The following QRSL1 variants were observed in gnomAD, a reference collection of about 807,000 sequenced individuals.
QRSL1 encodes glutamyl-tRNA(Gln) amidotransferase subunit A, mitochondrial.
In QRSL1, 54 loss-of-function variants were observed where a neutral mutation model predicts 61.6. The observed-to-expected ratio is 0.88, with a 90% CI of 0.70 to 1.10. The LOEUF (loss-of-function observed/expected upper bound fraction) is 1.10. QRSL1 is among the 50% of genes least tolerant of loss of function. The probability of loss-of-function intolerance (pLI) is 0.00; values close to 1 mark genes in which losing one functional copy is unlikely to be tolerated. For synonymous variants in QRSL1, 228 were observed against 225.7 expected (o/e 1.01, Z -0.09); for missense variants, 505 against 622.6 (o/e 0.81, Z 2.01).
intron 9 of QRSL1, among the ~76,000 whole-genome samples, chr6:106,659,480 AC>A (rs1343618891): frequency 1.2e-4 from 18 of 151,662 alleles, no homozygotes; most frequent in Admixed American, 5.3e-4. Context: ...AAAAAAAAAA[AC>A]ATATTTATAG....
At chr6:106,647,094 G>T (rs988795201) in intron 4 of QRSL1, among the ~76,000 whole-genome samples, 49 of 146,224 alleles carry the variant, frequency 3.4e-4, no homozygotes, top group Middle Eastern at 3.6e-3. Flanking sequence ...TCTGTACTTT[G>T]AAATATGCTA....
chr6:106,633,883 C>T (rs1032104516), intron 1 of QRSL1, among the ~76,000 whole-genome samples: 12 of 151,336 alleles, frequency 7.9e-5, no homozygotes, highest in African/African-American at 2.4e-4. Context: ...GCATTAAAGA[C>T]GGACAGAAGC....
intron 5 of QRSL1, 122 bp from the exon 6 acceptor site, chr6:106,652,087 C>T (rs534466967): frequency 2.1e-6 from 2 of 950,852 alleles, no homozygotes; most frequent in Admixed American, 3.0e-5. Flanking sequence ...CTGAGATGAA[C>T]ATGTGTTACT....
chr6:106,664,820 T>G (rs1417646625), intron 10 of QRSL1, among the ~76,000 whole-genome samples: 1 of 152,172 alleles, frequency 6.6e-6, no homozygotes, highest in African/African-American at 2.4e-5. Flanking sequence ...CTTTTATCAT[T>G]TTTTTAAGCA....
chr6:106,648,849 G>A (rs1777152384), intron 4 of QRSL1, among the ~76,000 whole-genome samples, 176 bp from the exon 5 acceptor site: 1 of 152,036 alleles, frequency 6.6e-6, no homozygotes, highest in South Asian at 2.1e-4. Flanking sequence ...CCCATCCTCC[G>A]CAACTGTCAA....
intron 4 of QRSL1, among the ~76,000 whole-genome samples, chr6:106,647,126 C>G (rs1282894615): frequency 6.6e-6 from 1 of 151,210 alleles, no homozygotes; most frequent in Non-Finnish European, 1.5e-5. Flanking sequence ...AAAACGCAAG[C>G]CACAGACTGA....
intron 4 of QRSL1, among the ~76,000 whole-genome samples, chr6:106,644,166 C>T (rs1000762789): frequency 1.3e-5 from 2 of 152,174 alleles, no homozygotes; most frequent in Non-Finnish European, 2.9e-5. Context: ...GCCACCACGC[C>T]CGGCCTTCTT....
In QRSL1 at chr6:106,652,307, G is replaced by A; in HGVS notation, c.656G>A (p.Gly219Asp). ...KPSYGLVSRH[G>D]LIPLVNSMDV... ...AGCTATGGCTTAGTTTCCCGTCATGGTCTCATTCCCCTGGTGAATTCGATG... is the reference window on the plus strand; with the variant it reads ...AGCTATGGCTTAGTTTCCCGTCATGATCTCATTCCCCTGGTGAATTCGATG... Residue 219 changes from glycine to aspartate, a missense_variant, in exon 6 of 11, where the codon GGT becomes GAT. Coordinates refer to ENST00000369046, the MANE Select transcript of QRSL1 (RefSeq NM_018292.5). The A allele has an allele frequency of 1.2e-6, 2 of 1,614,180 alleles. No individual in the cohort carries two copies. The highest frequency in any genetic ancestry group is 2.2e-5 in the East Asian group (1 of 44,888).
chr6:106,632,288 C>A (rs1776848007), intron 1 of QRSL1, among the ~76,000 whole-genome samples: 2 of 152,178 alleles, frequency 1.3e-5, no homozygotes, highest in Admixed American at 6.5e-5. Context: ...GCAGATATGT[C>A]TTTGCTATGT....
At chr6:106,643,703 T>G (rs1376897086) in intron 4 of QRSL1, among the ~76,000 whole-genome samples, 1 of 152,076 alleles carries the variant, frequency 6.6e-6, no homozygotes, top group Non-Finnish European at 1.5e-5. Context: ...AAAGAATTCT[T>G]TCATATATTT....
chr6:106,646,826 A>C (rs1251791532), intron 4 of QRSL1, among the ~76,000 whole-genome samples: 1 of 151,860 alleles, frequency 6.6e-6, no homozygotes, highest in Non-Finnish European at 1.5e-5. Flanking sequence ...CAGGAGATTG[A>C]GACCATCCTG....
Position 106,652,328 on chromosome 6 carries a change from C to A in QRSL1, c.677C>A (p.Ser226Ter). ...CATGGTCTCATTCCCCTGGTGAATT[C>A]GATGGATGTGCCAGGAATCTTAACC... ...SRHGLIPLVN[S>*]MDVPGILTRC... is the part of the protein sequence containing the mutation. The change falls in exon 6 of 11, where the codon TCG becomes TAG. Residue 226 changes from serine (S) to a stop codon, truncating the protein, a stop_gained. Coordinates refer to ENST00000369046, the MANE Select transcript of QRSL1 (RefSeq NM_018292.5). LOFTEE classifies it high-confidence loss of function. 1 of 1,614,112 alleles carries A rather than the reference C, an allele frequency of 6.2e-7. No homozygotes were observed. The highest frequency in any genetic ancestry group is 8.5e-7 in the Non-Finnish European group (1 of 1,180,020).
intron 4 of QRSL1, among the ~76,000 whole-genome samples, chr6:106,645,118 T>C (rs144354792): frequency 2.6e-5 from 4 of 152,326 alleles, no homozygotes; most frequent in East Asian, 1.9e-4. Context: ...TTGATTATTA[T>C]AGCTTTATAG....
In QRSL1 at chr6:106,665,982, T is replaced by C. The variant is rs1281851183; in HGVS notation, c.1567T>C (p.Ser523Pro). 1 of 1,613,864 alleles carries C rather than the reference T, an allele frequency of 6.2e-7. No individual in the cohort carries two copies. The highest frequency in any genetic ancestry group is 1.7e-5 in the Admixed American group (1 of 60,018). The stretch of plus-strand genomic sequence containing the variant: ...AGTCCTTGAAAATGAAAAGTTAGCC[T>C]CTGTCTCTCTAAAACAGTAAACATA... ...SAVLENEKLA[S>P]VSLKQ Residue 523 changes from serine to proline, a missense_variant, in exon 11 of 11, where the codon TCT becomes CCT. Ser to Pro is a moderately conservative substitution (Grantham distance 74). Coordinates refer to ENST00000369046, the MANE Select transcript of QRSL1 (RefSeq NM_018292.5).
In QRSL1 at chr6:106,652,250, CT is replaced by C. The variant is rs754881125; in HGVS notation, c.600del (p.Ala201ProfsTer14). On this transcript the variant is annotated frameshift_variant, in exon 6 of 11. Coordinates refer to ENST00000369046, the MANE Select transcript of QRSL1 (RefSeq NM_018292.5). LOFTEE classifies it high-confidence loss of function. ...ACAGGAGGATCGACCAGAAATCCTG[CT>C]GCCCACTGTGGGCTTGTTGGTTTCA... ...SDTGGSTRNP[A>X]AHCGLVGFKP... is the part of the protein sequence containing the mutation. 8.1e-6 allele frequency: 13 copies of C among 1,614,034 alleles called. No homozygotes were observed. The highest frequency in any genetic ancestry group is 1.1e-5 in the Non-Finnish European group (13 of 1,179,994).
At chr6:106,663,396 G>C (rs553629303) in intron 10 of QRSL1, among the ~76,000 whole-genome samples, 9 of 152,308 alleles carry the variant, frequency 5.9e-5, no homozygotes, top group African/African-American at 2.2e-4. Flanking sequence ...TTAAAAAAGA[G>C]GTTTAATTGG....
In QRSL1 at chr6:106,639,420, G is replaced by C. The variant is rs536116104; in HGVS notation, c.25-929G>C. Among the ~76,000 whole-genome samples the C allele has an allele frequency of 2.5e-3, 377 of 152,196 alleles. 6 individuals are homozygous for C. The highest frequency in any genetic ancestry group is 5.6e-4 in the Non-Finnish European group (38 of 68,008). ...ATTACAGGCATGAGCCACTGCGCCCGGCCAGTGTGGTTGTTTTAAGGGTTA... is the reference window on the plus strand; with the variant it reads ...ATTACAGGCATGAGCCACTGCGCCCCGCCAGTGTGGTTGTTTTAAGGGTTA... On this transcript the variant is annotated intron_variant, in intron 1 of 10. Coordinates refer to ENST00000369046, the MANE Select transcript of QRSL1 (RefSeq NM_018292.5).
intron 1 of QRSL1, among the ~76,000 whole-genome samples, chr6:106,639,125 T>G (rs1339866407): frequency 4.5e-5 from 6 of 133,260 alleles, no homozygotes; most frequent in African/African-American, 1.8e-4. Flanking sequence ...TGTTGTTTTT[T>G]TTTTTTTTTT....
chr6:106,654,942 T>G lies in QRSL1; in HGVS notation c.1042+20T>G. On this transcript the variant is annotated intron_variant, in intron 8 of 10. Coordinates refer to ENST00000369046, the MANE Select transcript of QRSL1 (RefSeq NM_018292.5). ...AATATGGTAAGATGGCTGGGTTATTTTATTTTTAAGGTAGTTGTCGCAAAC... is the reference window on the plus strand; with the variant it reads ...AATATGGTAAGATGGCTGGGTTATTGTATTTTTAAGGTAGTTGTCGCAAAC... 1 of 1,539,012 alleles carries G rather than the reference T, an allele frequency of 6.5e-7. No individual in the cohort carries two copies. The highest frequency in any genetic ancestry group is 8.8e-7 in the Non-Finnish European group (1 of 1,141,996).
Sources: gnomAD v4.1 joint callset for allele counts (sites outside exome capture counted in the v4.1 genomes callset) on GRCh38, gnomAD v4.1.1 for gene constraint, MANE v1.5 for transcripts, NCBI Gene and HGNC (gene_info 2026-07-23, HGNC 2026-07-21) for gene names.